Variants in RYR3 observed in about 807,000 individuals in gnomAD.
RYR3 encodes ryanodine receptor 3.
Under a neutral mutation model 584.3 loss-of-function variants are expected in RYR3, and 207 were observed. The ratio of observed to expected loss-of-function variants is 0.35; its 90% CI spans 0.32 to 0.40. The LOEUF is 0.40. Ranked by LOEUF, RYR3 falls within the 10% of genes least tolerant of loss-of-function variation. RYR3 has a pLI of 1.00. For missense variants in RYR3, 5,616 were observed against 6,089.2 expected, an observed-to-expected ratio of 0.92 and a Z score of 2.59; for synonymous variants, 2,416 against 2,248.5, an observed-to-expected ratio of 1.07 and a Z score of -2.11.
chr15:33,442,630 G>T (rs1254356336), intron 1 of RYR3, among the ~76,000 whole-genome samples: 3 of 152,192 alleles, frequency 2.0e-5, no homozygotes, highest in East Asian at 1.9e-4. Flanking sequence ...ATATCAGCAG[G>T]TTGCACATGG....
At chr15:33,415,292 C>A (rs2141537894) in intron 1 of RYR3, among the ~76,000 whole-genome samples, 1 of 152,224 alleles carries the variant, frequency 6.6e-6, no homozygotes, top group African/African-American at 2.4e-5. Context: ...ACATACGTGT[C>A]TAGCAGTGTA....
At chr15:33,564,350 T>C (rs930389881) in intron 11 of RYR3, among the ~76,000 whole-genome samples, 99 of 152,290 alleles carry the variant, frequency 6.5e-4, no homozygotes, top group African/African-American at 2.3e-3. Context: ...AGCAGAGATG[T>C]TGACATTATG....
At chr15:33,681,171 T>C (rs1230055796) in intron 38 of RYR3, among the ~76,000 whole-genome samples, 4 of 152,192 alleles carry the variant, frequency 2.6e-5, no homozygotes, top group Admixed American at 6.5e-5. Context: ...GTGGGCACAT[T>C]TGTCATGGCT....
In RYR3 at chr15:33,844,920, T is replaced by C; in HGVS notation, c.13355T>C (p.Phe4452Ser). 1 of 1,614,018 alleles carries C rather than the reference T, an allele frequency of 6.2e-7. No homozygotes were observed. The highest frequency in any genetic ancestry group is 8.5e-7 in the Non-Finnish European group (1 of 1,179,896). ...GATGTTGCAAACCTATGGAATTCCTTTAATGACGAGGAAGAGGAAGAAGCG... is the reference window on the plus strand; with the variant it reads ...GATGTTGCAAACCTATGGAATTCCTCTAATGACGAGGAAGAGGAAGAAGCG... ...TEDVANLWNS[F>S]NDEEEEEAMV... Residue 4452 changes from phenylalanine (F) to serine (S), a missense_variant, in exon 93 of 104, where the codon TTT (phenylalanine) becomes TCT (serine). Coordinates refer to ENST00000634891, the MANE Select transcript of RYR3 (RefSeq NM_001036.6).
At chr15:33,495,680 T>C (rs2051354473) in intron 2 of RYR3, among the ~76,000 whole-genome samples, 1 of 152,184 alleles carries the variant, frequency 6.6e-6, no homozygotes, top group Admixed American at 6.5e-5. Flanking sequence ...TTGATTATTT[T>C]TGTAGAAATC....
intron 3 of RYR3, among the ~76,000 whole-genome samples, chr15:33,505,310 G>A (rs1240318037): frequency 2.0e-5 from 3 of 152,136 alleles, no homozygotes; most frequent in Non-Finnish European, 4.4e-5. Flanking sequence ...TCACTCTTTT[G>A]ATTTATAGCA....
At chr15:33,548,283 A>G in intron 9 of RYR3, 79 bp downstream of exon 9, 1 of 836,340 alleles carries the variant, frequency 1.2e-6, no homozygotes, top group South Asian at 1.7e-5. Flanking sequence ...TATTTCATTC[A>G]TTCCACATCA....
intron 36 of RYR3, among the ~76,000 whole-genome samples, chr15:33,664,162 GTCT>G (rs781770979): frequency 3.9e-4 from 60 of 152,224 alleles, no homozygotes; most frequent in African/African-American, 1.3e-3. Flanking sequence ...TTGGCACACA[GTCT>G]TCTTCTTCTA....
At chr15:33,552,303 C>T (rs185840795) in intron 10 of RYR3, among the ~76,000 whole-genome samples, 1 of 152,314 alleles carries the variant, frequency 6.6e-6, no homozygotes, top group East Asian at 1.9e-4. Flanking sequence ...GACCTTGTAA[C>T]ACTCCTTCCA....
intron 10 of RYR3, among the ~76,000 whole-genome samples, chr15:33,553,337 G>A (rs999005062): frequency 6.6e-6 from 1 of 152,290 alleles, no homozygotes; most frequent in South Asian, 2.1e-4. Flanking sequence ...GGTTGCATTA[G>A]CTTGTGACAG....
intron 18 of RYR3, among the ~76,000 whole-genome samples, chr15:33,607,674 C>CT (rs2059974236): frequency 6.6e-6 from 1 of 152,224 alleles, no homozygotes; most frequent in Admixed American, 6.5e-5. Context: ...TTTTAAATCA[C>CT]TTTTTGGATT....
intron 2 of RYR3, among the ~76,000 whole-genome samples, chr15:33,497,763 CATTAA>C (rs1397019266): frequency 6.6e-6 from 1 of 152,118 alleles, no homozygotes. Context: ...TTAAAATATA[CATTAA>C]ATTATTGTTA....
chr15:33,799,687 G>A (rs577459284), intron 67 of RYR3, among the ~76,000 whole-genome samples: 1 of 152,380 alleles, frequency 6.6e-6, no homozygotes, highest in Non-Finnish European at 1.5e-5. Flanking sequence ...CAATGAAGGG[G>A]TTGGTTATAG....
chr15:33,865,182 G>A lies in RYR3; in HGVS notation c.14569G>A (p.Ala4857Thr), dbSNP rs746039567. Reference sequence around the variant, plus strand: ...AGAAAGGTGTTGGGATTTCTTCCCAGCCGGTGACTGCTTTCGTAAACAATA... The same window carrying A: ...AGAAAGGTGTTGGGATTTCTTCCCAACCGGTGACTGCTTTCGTAAACAATA... ...YQERCWDFFPAGDCFRKQYED... is the reference protein window; with the variant it reads ...YQERCWDFFPTGDCFRKQYED... The change falls in exon 104 of 104, where the codon GCC becomes ACC. Residue 4857 changes from alanine (A) to threonine (T), a missense_variant. Ala to Thr is a moderately conservative substitution (Grantham distance 58). Around this residue, in one of 9 missense-constraint regions of RYR3, gnomAD observed 918 missense variants for 887.4 expected, o/e 1.03. Coordinates refer to ENST00000634891, the MANE Select transcript of RYR3 (RefSeq NM_001036.6). 3.7e-6 allele frequency: 6 copies of A among 1,613,902 alleles called. No homozygotes were observed. In the East Asian group the frequency reaches 8.9e-5, roughly 24 times the overall value.
At chr15:33,358,913 T>G (rs1277684413) in intron 1 of RYR3, among the ~76,000 whole-genome samples, 2 of 152,234 alleles carry the variant, frequency 1.3e-5, no homozygotes, top group East Asian at 3.8e-4. Flanking sequence ...CTCATTTTCT[T>G]TCGAACATTC....
intron 103 of RYR3, among the ~76,000 whole-genome samples, chr15:33,864,569 G>C (rs998124379): frequency 6.6e-5 from 10 of 151,214 alleles, no homozygotes; most frequent in Non-Finnish European, 1.3e-4. Context: ...TCATGTGTGG[G>C]TGACACAGGA....
In RYR3 at chr15:33,706,053, A is replaced by G. The variant is rs551382217; in HGVS notation, c.6484-866A>G. On this transcript the variant is annotated intron_variant, in intron 42 of 103. Transcript: ENST00000634891. ...AATCTTGTTAATCACTTGGAAACAA[A>G]AAATGAATTGGAGGCTCTTTCTAGC... Among the ~76,000 whole-genome samples, 4 of 152,352 alleles carry G rather than the reference A, an allele frequency of 2.6e-5. No individual in the cohort carries two copies. The South Asian group carries it at 8.3e-4, about 32-fold the overall frequency.
chr15:33,570,209 T>G (rs773248805), intron 12 of RYR3, among the ~76,000 whole-genome samples: 3 of 152,168 alleles, frequency 2.0e-5, no homozygotes, highest in Non-Finnish European at 4.4e-5. Context: ...AATTTTAGCG[T>G]TTACATTTAG....
intron 1 of RYR3, among the ~76,000 whole-genome samples, chr15:33,358,027 G>A (rs779645547): frequency 6.6e-6 from 1 of 152,192 alleles, no homozygotes; most frequent in Non-Finnish European, 1.5e-5. Flanking sequence ...TACCTGAGCA[G>A]CATGTGTCAG....
Sources: allele counts gnomAD v4.1 joint callset (sites outside exome capture counted in the v4.1 genomes callset), GRCh38; gene constraint gnomAD v4.1.1; regional missense constraint gnomAD v4.1.1; transcripts MANE v1.5; gene names NCBI Gene and HGNC (gene_info 2026-07-23, HGNC 2026-07-21).